Variants in SLC38A7 observed in about 807,000 individuals in gnomAD.
SLC38A7 encodes the protein sodium-coupled neutral amino acid transporter 7.
A neutral mutation model predicts 50.1 loss-of-function variants in SLC38A7; 29 were observed. The ratio of observed to expected loss-of-function variants is 0.58; its 90% CI spans 0.43 to 0.79. The LOEUF (loss-of-function observed/expected upper bound fraction) is 0.79, where lower values mean the gene tolerates loss of function less well. Ranked by LOEUF, SLC38A7 falls within the 30% of genes least tolerant of loss-of-function variation. The pLI is 0.00. For missense variants in SLC38A7, 483 were observed against 610.6 expected, an observed-to-expected ratio of 0.79 and a Z score of 2.20; for synonymous variants, 244 against 245.9, an observed-to-expected ratio of 0.99 and a Z score of 0.07.
intron 8 of SLC38A7, 87 bp downstream of exon 8, chr16:58,675,853 C>T: frequency 9.5e-7 from 1 of 1,057,922 alleles, no homozygotes; most frequent in South Asian, 1.5e-5. Context: ...CAGGGCTGTC[C>T]CCAGGAAAGC....
intron 11 of SLC38A7, among the ~76,000 whole-genome samples, chr16:58,669,552 A>G (rs1447997397): frequency 1.3e-5 from 2 of 152,108 alleles, no homozygotes; most frequent in Non-Finnish European, 2.9e-5. Flanking sequence ...GCTATCTCAG[A>G]AAGGATGTGG....
intron 6 of SLC38A7, among the ~76,000 whole-genome samples, chr16:58,677,105 G>T (rs2044284110): frequency 6.6e-6 from 1 of 152,144 alleles, no homozygotes; most frequent in Non-Finnish European, 1.5e-5. Context: ...TCATCTGTTG[G>T]ATGTAGGTGG....
chr16:58,680,269 G>A, intron 2 of SLC38A7, 28 bp from the exon 3 acceptor site: 2 of 918,458 alleles, frequency 2.2e-6, no homozygotes, highest in Middle Eastern at 3.3e-4. Flanking sequence ...AGGCACTACT[G>A]TTATCCTAAG....
intron 10 of SLC38A7, among the ~76,000 whole-genome samples, 155 bp downstream of exon 10, chr16:58,670,890 C>T (rs540644413): frequency 6.6e-6 from 1 of 152,254 alleles, no homozygotes; most frequent in South Asian, 2.1e-4. Flanking sequence ...GGAGATAATG[C>T]TTGGATAGGG....
chr16:58,682,041 C>T (rs574200510), intron 2 of SLC38A7, among the ~76,000 whole-genome samples: 55 of 152,236 alleles, frequency 3.6e-4, no homozygotes, highest in African/African-American at 1.3e-3. Context: ...CCTGTAATCC[C>T]AGCTGTGCAG....
intron 8 of SLC38A7, among the ~76,000 whole-genome samples, chr16:58,673,560 C>T (rs948336047): frequency 9.9e-5 from 15 of 151,404 alleles, no homozygotes; most frequent in African/African-American, 3.2e-4. Flanking sequence ...GATGGGGTTT[C>T]GCCATGTTGG....
At chr16:58,670,188 C>A in intron 10 of SLC38A7, 21 bp from the exon 11 acceptor site, 1 of 1,613,756 alleles carries the variant, frequency 6.2e-7, no homozygotes, top group Non-Finnish European at 8.5e-7. Flanking sequence ...AGAAGTGGCC[C>A]TGAGCATTTG....
chr16:58,679,009 A>C, intron 3 of SLC38A7, 115 bp from the exon 4 acceptor site: 1 of 1,064,786 alleles, frequency 9.4e-7, no homozygotes, highest in Non-Finnish European at 1.4e-6. Flanking sequence ...AAATCTCACA[A>C]AGGCAATTTT....
At chr16:58,676,560 G>A (rs2044271200) in intron 6 of SLC38A7, among the ~76,000 whole-genome samples, 1 of 152,234 alleles carries the variant, frequency 6.6e-6, no homozygotes, top group Admixed American at 6.5e-5. Flanking sequence ...CCCCCCTGGG[G>A]CCAAAATCCA....
Position 58,670,178 on chromosome 16 carries a change from A to T in SLC38A7, c.1232-11T>A, listed in dbSNP as rs200643921. The T allele has an allele frequency of 3.7e-5, 60 of 1,614,078 alleles. No homozygotes were observed. The East Asian group carries it at 8.7e-4, about 23-fold the overall frequency. On this transcript the variant is annotated splice_polypyrimidine_tract_variant and intron_variant, in intron 10 of 11. Coordinates refer to ENST00000219320, the MANE Select transcript of SLC38A7 (RefSeq NM_018231.3). ...GAATGAGGCACAGCCCTGAAAGAGA[A>T]GAAGTGGCCCTGAGCATTTGTGAGG... is the stretch of plus-strand genomic sequence containing the variant.
chr16:58,678,217 C>T lies in SLC38A7; in HGVS notation c.611+116G>A. The T allele has an allele frequency of 7.8e-7, 1 of 1,289,168 alleles. No homozygotes were observed. Among genetic ancestry groups the T allele is most frequent in the Non-Finnish European group, 1.0e-6 (1 of 960,214 alleles). The allele number at this position is 1,289,168 out of a possible 1,614,324, so 79.9% of individuals were successfully genotyped here. On this transcript the variant is annotated intron_variant, in intron 5 of 11. Transcript: ENST00000219320. This position sits in a 1 kb window ranked among gnomAD's most constrained non-coding sequence, Gnocchi z 4.0. The stretch of plus-strand genomic sequence containing the variant: ...CAAGCCCCGGTCTGCCCTGCCTTGC[C>T]TACTCTTGCTCCCCAAGGTGAGGTG...
chr16:58,676,763 T>G (rs1414326631), intron 6 of SLC38A7, among the ~76,000 whole-genome samples: 3 of 152,216 alleles, frequency 2.0e-5, no homozygotes, highest in African/African-American at 7.2e-5. Flanking sequence ...GCCATTCTCC[T>G]GCCTCAGCCT....
At chr16:58,671,750 T>C (rs115910357) in intron 9 of SLC38A7, 2,396 of 218,016 alleles carry the variant, frequency 0.011, 53 homozygotes, top group African/African-American at 0.051. Flanking sequence ...TTTTATTTTG[T>C]GTAGAGATGG....
chr16:58,677,623 A>G (rs2044297647), intron 5 of SLC38A7, 199 bp from the exon 6 acceptor site: 2 of 574,794 alleles, frequency 3.5e-6, no homozygotes, highest in East Asian at 3.0e-5. Flanking sequence ...TGGACAGCCA[A>G]CAGGGGACCT....
rs2044356043 is a variant in SLC38A7, at chr16:58,680,013, C to A, written c.114G>T (p.Glu38Asp). The change falls in exon 3 of 12, where the codon GAG becomes GAT. Residue 38 changes from glutamate (E) to aspartate (D), a missense_variant. Glu to Asp is a conservative substitution (Grantham distance 45). Coordinates refer to ENST00000219320, the MANE Select transcript of SLC38A7 (RefSeq NM_018231.3). ...CCAGACCCCCAGGAGAGGCTTCCCA[C>A]TCACTCTTGGGGGCTGTGTCCACAC... ...SPCVDTAPKS[E>D]WEASPGGLDR... The A allele has an allele frequency of 1.2e-6, 2 of 1,611,148 alleles. No homozygotes were observed. The highest frequency in any genetic ancestry group is 1.3e-5 in the African/African-American group (1 of 74,884).
intron 9 of SLC38A7, 189 bp from the exon 10 acceptor site, chr16:58,671,433 A>G (rs1050688597): frequency 1.6e-6 from 1 of 609,954 alleles, no homozygotes; most frequent in Non-Finnish European, 2.9e-6. Flanking sequence ...GTGAATGTCG[A>G]GAGCTTAGCA....
In SLC38A7 at chr16:58,665,699, G is replaced by T. The variant is rs1279105601; in HGVS notation, c.*1686C>A. 1 of 152,570 alleles carries T rather than the reference G, an allele frequency of 6.6e-6. No individual in the cohort carries two copies. The highest frequency in any genetic ancestry group is 2.4e-5 in the African/African-American group (1 of 41,416). The allele number at this position is 152,570 out of a possible 1,614,324, so 9.5% of individuals were successfully genotyped here. On this transcript the variant is annotated 3_prime_UTR_variant, in exon 12 of 12. Transcript: ENST00000219320. ...TGCCTGGGATTGGCCAAAGTGAGAGGGGGCAGCTGAGGGGCTGAGGTGGTC... is the reference window on the plus strand; with the variant it reads ...TGCCTGGGATTGGCCAAAGTGAGAGTGGGCAGCTGAGGGGCTGAGGTGGTC...
chr16:58,671,151 C>T lies in SLC38A7; in HGVS notation c.1125G>A (p.Leu375=), dbSNP rs1238750146. 1.9e-6 allele frequency: 3 copies of T among 1,613,962 alleles called. No homozygotes were observed. In the Admixed American group the frequency reaches 5.0e-5, roughly 27 times the overall value. The change falls in exon 10 of 12, where the codon CTG becomes CTA. Residue 375 remains leucine, a synonymous_variant. Coordinates refer to ENST00000219320, the MANE Select transcript of SLC38A7 (RefSeq NM_018231.3). ...GCAGCAGGGTGAGCAGGAACCAGAC[C>T]AGCGTCTGCAGCACTCGCCGCCGCC... ...RERRRRVLQT[L]VWFLLTLLLA...
In SLC38A7 at chr16:58,678,687, G is replaced by T. The variant is rs946167342; in HGVS notation, c.469+9C>A. The T allele has an allele frequency of 6.2e-7, 1 of 1,613,474 alleles. No homozygotes were observed. Among genetic ancestry groups the T allele is most frequent in the Non-Finnish European group, 8.5e-7 (1 of 1,179,752 alleles). ...AAGAGATGGGGTAGGGACTGAGGGA[G>T]AAGCTCACTCTTGTCCTGCTGGTCG... On this transcript the variant is annotated intron_variant, in intron 4 of 11. Coordinates refer to ENST00000219320, the MANE Select transcript of SLC38A7 (RefSeq NM_018231.3). The surrounding 1 kb of genome is among the most constrained non-coding windows in gnomAD (Gnocchi z 4.0).
Sources: allele counts gnomAD v4.1 joint callset (sites outside exome capture counted in the v4.1 genomes callset), GRCh38; gene constraint gnomAD v4.1.1; non-coding constraint Gnocchi (gnomAD v3.1); transcripts MANE v1.5; gene names NCBI Gene and HGNC (gene_info 2026-07-23, HGNC 2026-07-21).